Variants in NDST4 observed in about 807,000 individuals in gnomAD.
The protein encoded by NDST4 is N-heparan sulfate sulfotransferase 4.
A neutral mutation model predicts 100.8 loss-of-function variants in NDST4; 63 were observed. The observed-to-expected ratio is 0.62, with a 90% CI of 0.51 to 0.77. NDST4 has a LOEUF of 0.77. Among genes scored for constraint, NDST4 ranks in the 30% least tolerant of loss-of-function variants. The pLI is 0.00. For synonymous variants in NDST4, 377 were observed against 361.8 expected, an observed-to-expected ratio of 1.04 and a Z score of -0.48; for missense variants, 943 against 1,018.4, an observed-to-expected ratio of 0.93 and a Z score of 1.01.
chr4:115,037,876 T>C (rs1318133593), intron 2 of NDST4, among the ~76,000 whole-genome samples: 2 of 152,052 alleles, frequency 1.3e-5, no homozygotes, highest in African/African-American at 2.4e-5. Flanking sequence ...TGAGTAAATA[T>C]TTGAAAAGAG....
At chr4:114,958,162 C>T (rs1726180374) in intron 4 of NDST4, among the ~76,000 whole-genome samples, 1 of 152,236 alleles carries the variant, frequency 6.6e-6, no homozygotes, top group Non-Finnish European at 1.5e-5. Flanking sequence ...TCCATGAGGG[C>T]TCCGCCCCTG....
At chr4:114,990,597 A>G (rs946088324) in intron 2 of NDST4, among the ~76,000 whole-genome samples, 4 of 152,116 alleles carry the variant, frequency 2.6e-5, no homozygotes, top group Admixed American at 6.6e-5. Context: ...TACATTAATC[A>G]CTAGAATTAC....
intron 4 of NDST4, among the ~76,000 whole-genome samples, chr4:114,966,015 T>A (rs1445278087): frequency 6.6e-6 from 1 of 151,988 alleles, no homozygotes; most frequent in African/African-American, 2.4e-5. Context: ...CAAAGATCTA[T>A]GAGTTATTGA....
intron 2 of NDST4, among the ~76,000 whole-genome samples, chr4:114,986,343 T>C (rs1726900074): frequency 6.6e-6 from 1 of 152,002 alleles, no homozygotes; most frequent in Admixed American, 6.6e-5. Context: ...TAGATGTGAG[T>C]GGATGTGTCT....
At chr4:114,935,098 A>T (rs955324252) in intron 6 of NDST4, 108 bp downstream of exon 6, 1 of 883,214 alleles carries the variant, frequency 1.1e-6, no homozygotes, top group African/African-American at 1.8e-5. Context: ...GACCAGTAAG[A>T]TGTGCTGTAA....
rs749299351 is a variant in NDST4 at position 114,935,340 on chromosome 4, T to A, written c.1408-6A>T. On this transcript the variant is annotated splice_polypyrimidine_tract_variant and splice_region_variant and intron_variant, in intron 5 of 13. Transcript: ENST00000264363. ...CAAGTCTGTCGAGGGAGGACCTGAG[T>A]AAAAAAGGGGAAAAACAGCACATGG... The A allele has an allele frequency of 6.4e-6, 10 of 1,561,198 alleles. No homozygotes were observed. Among genetic ancestry groups the A allele is most frequent in the Non-Finnish European group, 8.7e-6 (10 of 1,154,902 alleles).
At chr4:114,962,545 A>G (rs1481198520) in intron 4 of NDST4, among the ~76,000 whole-genome samples, 1 of 152,056 alleles carries the variant, frequency 6.6e-6, no homozygotes, top group Non-Finnish European at 1.5e-5. Flanking sequence ...GGAATTTTAA[A>G]AGATTTTTGT....
rs1560811166 is a variant in NDST4 at position 114,917,118 on chromosome 4, T to TC, written c.1536+18087dup. The stretch of plus-strand genomic sequence containing the variant: ...ATTTGCATATAACCTATGCATATCC[T>TC]CCCATATATTTAAATCATCTCTAGA... On this transcript the variant is annotated intron_variant, in intron 6 of 13. Coordinates refer to ENST00000264363, the MANE Select transcript of NDST4 (RefSeq NM_022569.3). Among the ~76,000 whole-genome samples the TC allele has an allele frequency of 2.0e-5, 3 of 152,258 alleles. No homozygotes were observed. The South Asian group carries it at 6.2e-4, about 32-fold the overall frequency.
chr4:115,071,309 C>A (rs1729073802), intron 2 of NDST4, among the ~76,000 whole-genome samples: 1 of 150,098 alleles, frequency 6.7e-6, no homozygotes, highest in Admixed American at 6.6e-5. Flanking sequence ...CACACACACA[C>A]ACACACACAC....
chr4:115,103,564 CTT>C (rs1056327720), intron 1 of NDST4, among the ~76,000 whole-genome samples: 1 of 151,910 alleles, frequency 6.6e-6, no homozygotes, highest in African/African-American at 2.4e-5. Context: ...TGGTTTCCAC[CTT>C]TTATTTACTT....
intron 4 of NDST4, among the ~76,000 whole-genome samples, chr4:114,953,063 A>G (rs1486392670): frequency 1.6e-5 from 2 of 125,846 alleles, no homozygotes; most frequent in East Asian, 2.2e-4. Flanking sequence ...GGCCTTGTCC[A>G]TTTCTCCCAG....
chr4:114,988,675 A>C (rs1726969295), intron 2 of NDST4, among the ~76,000 whole-genome samples: 1 of 152,004 alleles, frequency 6.6e-6, no homozygotes, highest in African/African-American at 2.4e-5. Context: ...TACGTCTTTA[A>C]ATGTGTACCC....
chr4:114,931,275 G>T (rs372048768), intron 6 of NDST4, among the ~76,000 whole-genome samples: 2 of 151,734 alleles, frequency 1.3e-5, no homozygotes, highest in East Asian at 1.9e-4. Flanking sequence ...TACCATAAGA[G>T]AAACAAATTA....
At chr4:115,113,060 AT>A (rs2110349340) in intron 1 of NDST4, among the ~76,000 whole-genome samples, 1 of 152,104 alleles carries the variant, frequency 6.6e-6, no homozygotes, top group African/African-American at 2.4e-5. Flanking sequence ...TTAGGGAAAC[AT>A]TTATAACCCT....
At chr4:114,914,041 G>A (rs1725118331) in intron 6 of NDST4, among the ~76,000 whole-genome samples, 1 of 151,972 alleles carries the variant, frequency 6.6e-6, no homozygotes, top group Non-Finnish European at 1.5e-5. Flanking sequence ...CAACATGGAT[G>A]AAACTGGAGG....
At chr4:115,033,157 A>ATATATATATATTTTTT (rs1491126767) in intron 2 of NDST4, among the ~76,000 whole-genome samples, 2 of 59,948 alleles carry the variant, frequency 3.3e-5, no homozygotes, top group African/African-American at 1.2e-4. Flanking sequence ...ATATATATAT[A>ATATATATATATTTTTT]TTTTTTTTTT....
chr4:114,970,758 T>C (rs1441507987), intron 3 of NDST4, among the ~76,000 whole-genome samples, 174 bp from the exon 4 acceptor site: 3 of 152,090 alleles, frequency 2.0e-5, no homozygotes, highest in Admixed American at 2.0e-4. Context: ...GCAAAGGGAC[T>C]TGGGATTAGG....
Position 114,829,953 on chromosome 4 carries a change from C to T in NDST4, c.2397-61G>A, listed in dbSNP as rs886419881. 1.3e-4 allele frequency: 149 copies of T among 1,136,184 alleles called. 2 individuals are homozygous for T. Among genetic ancestry groups the T allele is most frequent in the Non-Finnish European group, 1.9e-4 (144 of 768,438 alleles). The allele number at this position is 1,136,184 out of a possible 1,614,324, so 70.4% of individuals were successfully genotyped here. A position where few individuals can be genotyped will look rare whatever the true frequency, so the allele number is the denominator to read the frequency against. ...TGCAGAATTTTCAGTGAGACAGCCT[C>T]ACCAATTGAATAAAGGAAATGTATT... On this transcript the variant is annotated intron_variant, in intron 12 of 13. Coordinates refer to ENST00000264363, the MANE Select transcript of NDST4 (RefSeq NM_022569.3).
chr4:115,035,181 G>A (rs1486520750), intron 2 of NDST4, among the ~76,000 whole-genome samples: 2 of 152,024 alleles, frequency 1.3e-5, no homozygotes, highest in Non-Finnish European at 2.9e-5. Flanking sequence ...TAAATTTAAT[G>A]TCATCCTATT....
Sources: gnomAD v4.1 joint callset for allele counts (sites outside exome capture counted in the v4.1 genomes callset) on GRCh38, gnomAD v4.1.1 for gene constraint, MANE v1.5 for transcripts, NCBI Gene and HGNC (gene_info 2026-07-23, HGNC 2026-07-21) for gene names.